The following GRM7 variants were observed in gnomAD, a reference collection of about 807,000 sequenced individuals.
GRM7 encodes metabotropic glutamate receptor 7.
A neutral mutation model predicts 84.5 loss-of-function variants in GRM7; 35 were observed. That is an observed-to-expected ratio of 0.41 (90% CI 0.32 to 0.55). The LOEUF (loss-of-function observed/expected upper bound fraction) is 0.55, where lower values mean the gene tolerates loss of function less well. GRM7 is among the 20% of genes least tolerant of loss of function. GRM7 has a pLI of 0.19. For missense variants in GRM7, 1,003 were observed against 1,194.6 expected (o/e 0.84, Z 2.36); for synonymous variants, 487 against 455.1 (o/e 1.07, Z -0.89).
Position 7,461,665 on chromosome 3 carries a change from C to T in GRM7, c.1458C>T (p.Asn486=). The T allele has an allele frequency of 6.2e-7, 1 of 1,613,844 alleles. No individual in the cohort carries two copies. Among genetic ancestry groups the T allele is most frequent in the South Asian group, 1.1e-5 (1 of 91,072 alleles). Reference sequence around the variant, plus strand: ...ACATCTTTCAGTACCAGACCACAAACACCAGCAACCCGGGTTACCGTCTGA... The same window carrying T: ...ACATCTTTCAGTACCAGACCACAAATACCAGCAACCCGGGTTACCGTCTGA... ...RYDIFQYQTT[N]TSNPGYRLIG... Residue 486 remains asparagine, a synonymous_variant, in exon 7 of 10, where the codon AAC becomes AAT. Coordinates refer to ENST00000357716, the MANE Select transcript of GRM7 (RefSeq NM_000844.4).
At chr3:7,359,648 C>T (rs766565127) in intron 4 of GRM7, among the ~76,000 whole-genome samples, 1 of 147,920 alleles carries the variant, frequency 6.8e-6, no homozygotes, top group Non-Finnish European at 1.5e-5. Flanking sequence ...CAATCCTATT[C>T]CCTTTAAATG....
At chr3:7,380,603 G>A (rs1006661713) in intron 4 of GRM7, among the ~76,000 whole-genome samples, 1 of 152,158 alleles carries the variant, frequency 6.6e-6, no homozygotes, top group South Asian at 2.1e-4. Context: ...TTGGCTATCA[G>A]AAACTGAAGC....
intron 1 of GRM7, among the ~76,000 whole-genome samples, chr3:7,053,984 T>G (rs1046285828): frequency 1.3e-5 from 2 of 151,152 alleles, no homozygotes; most frequent in Non-Finnish European, 3.0e-5. Flanking sequence ...GTATATGGGA[T>G]TTATTTAATT....
chr3:6,864,425 T>A (rs1236804561), intron 1 of GRM7, among the ~76,000 whole-genome samples: 2 of 152,140 alleles, frequency 1.3e-5, no homozygotes, highest in African/African-American at 4.8e-5. Flanking sequence ...AGGTTTCCAG[T>A]GTCTATAAGC....
chr3:7,581,781 A>C (rs1174415178), intron 8 of GRM7, among the ~76,000 whole-genome samples: 2 of 152,216 alleles, frequency 1.3e-5, no homozygotes, highest in Non-Finnish European at 2.9e-5. Context: ...ATTTATATTG[A>C]GTATGCTAGG....
chr3:7,292,322 C>A (rs1575127596), intron 2 of GRM7, among the ~76,000 whole-genome samples: 1 of 152,082 alleles, frequency 6.6e-6, no homozygotes, highest in South Asian at 2.1e-4. Context: ...GTTGTATGTA[C>A]CTTTATCTCC....
At chr3:7,049,065 TGAAAC>T (rs998187356) in intron 1 of GRM7, among the ~76,000 whole-genome samples, 7 of 152,024 alleles carry the variant, frequency 4.6e-5, no homozygotes, top group African/African-American at 1.7e-4. Flanking sequence ...ATTAAAATGT[TGAAAC>T]AAAACATCTC....
intron 4 of GRM7, among the ~76,000 whole-genome samples, chr3:7,380,955 G>T (rs965527000): frequency 5.9e-5 from 9 of 152,102 alleles, no homozygotes; most frequent in African/African-American, 1.9e-4. Context: ...ATAAAAGGAA[G>T]ACCGTGTGTT....
intron 1 of GRM7, among the ~76,000 whole-genome samples, chr3:6,906,500 T>A (rs1443756764): frequency 1.3e-5 from 2 of 152,206 alleles, no homozygotes; most frequent in Non-Finnish European, 2.9e-5. Flanking sequence ...TTTATTCTTA[T>A]TCAGTTTGAT....
intron 8 of GRM7, among the ~76,000 whole-genome samples, chr3:7,632,734 T>G (rs934963083): frequency 5.9e-5 from 9 of 152,214 alleles, no homozygotes; most frequent in African/African-American, 1.7e-4. Context: ...TTCTTACATG[T>G]AAATATCACA....
At chr3:7,301,410 CCTT>C (rs1699996107) in intron 3 of GRM7, among the ~76,000 whole-genome samples, 1 of 151,936 alleles carries the variant, frequency 6.6e-6, no homozygotes, top group Non-Finnish European at 1.5e-5. Flanking sequence ...CTGCTAATAC[CCTT>C]CTTATTCATC....
At chr3:7,066,547 C>G (rs1288991739) in intron 1 of GRM7, among the ~76,000 whole-genome samples, 1 of 151,668 alleles carries the variant, frequency 6.6e-6, no homozygotes, top group East Asian at 1.9e-4. Flanking sequence ...TTACCAACAA[C>G]AAAAAAAGTC....
intron 8 of GRM7, among the ~76,000 whole-genome samples, chr3:7,670,422 C>G (rs1460003017): frequency 6.6e-6 from 1 of 152,132 alleles, no homozygotes; most frequent in African/African-American, 2.4e-5. Context: ...AAGCCATTGT[C>G]GATGGCTTTG....
chr3:7,740,251 A>C, intron 9 of GRM7, 106 bp from the exon 10 acceptor site: 6 of 707,846 alleles, frequency 8.5e-6, no homozygotes, highest in East Asian at 5.8e-5. Flanking sequence ...TCAGAGCTGT[A>C]TCACCTCACT....
At chr3:7,247,029 G>A (rs1252933302) in intron 2 of GRM7, among the ~76,000 whole-genome samples, 1 of 152,036 alleles carries the variant, frequency 6.6e-6, no homozygotes, top group East Asian at 1.9e-4. Context: ...GATTTTCTAT[G>A]AAGGCACCAA....
chr3:7,368,821 C>G (rs893740180), intron 4 of GRM7, among the ~76,000 whole-genome samples: 2 of 152,202 alleles, frequency 1.3e-5, no homozygotes, highest in African/African-American at 4.8e-5. Flanking sequence ...TGATTCCCAT[C>G]GTATCTCTAA....
At position 7,612,448 on chromosome 3, in the gene GRM7, C is replaced by T. The variant is rs561027820; in HGVS notation, c.2451+33091C>T. 3.9e-5 allele frequency among the ~76,000 whole-genome samples: 6 copies of T among 152,208 alleles called. No homozygotes were observed. The South Asian group carries it at 1.2e-3, about 32-fold the overall frequency. On this transcript the variant is annotated intron_variant, in intron 8 of 9. Coordinates refer to ENST00000357716, the MANE Select transcript of GRM7 (RefSeq NM_000844.4). Reference sequence around the variant, plus strand: ...TTGAGGAGGAAACTCTGAGCTGAACCTCCTAGGAATGAGTGGAATCAGGGT... The same window carrying T: ...TTGAGGAGGAAACTCTGAGCTGAACTTCCTAGGAATGAGTGGAATCAGGGT...
rs1213480778 is a variant in GRM7 at position 6,861,396 on chromosome 3, A to G, written c.8A>G (p.Gln3Arg). 3 of 1,568,820 alleles carry G rather than the reference A, an allele frequency of 1.9e-6. No individual in the cohort carries two copies. The highest frequency in any genetic ancestry group is 1.9e-5 in the Admixed American group (1 of 54,010). MV[Q>R]LRKLLRVLTL... Reference sequence around the variant, plus strand: ...CGCAGCAGCCGGAGCAGCATGGTCCAGCTGAGGAAGCTGCTCCGCGTCCTG... The same window carrying G: ...CGCAGCAGCCGGAGCAGCATGGTCCGGCTGAGGAAGCTGCTCCGCGTCCTG... The change falls in exon 1 of 10, where the codon CAG becomes CGG. Residue 3 changes from glutamine to arginine, a missense_variant. Physicochemically the swap from Gln to Arg is conservative, Grantham distance 43. Around this residue, in one of 2 missense-constraint regions of GRM7, gnomAD observed 93 missense variants for 68.6 expected, o/e 1.36. Transcript: ENST00000357716. This position sits in a 1 kb window ranked among gnomAD's most constrained non-coding sequence, Gnocchi z 6.4.
At chr3:7,145,016 G>A (rs1694065929) in intron 1 of GRM7, among the ~76,000 whole-genome samples, 1 of 152,194 alleles carries the variant, frequency 6.6e-6, no homozygotes. Flanking sequence ...AATGTTGGTG[G>A]AGAAATGATT....
Sources: gnomAD v4.1 joint callset for allele counts (sites outside exome capture counted in the v4.1 genomes callset) on GRCh38, gnomAD v4.1.1 for gene constraint, gnomAD v4.1.1 regional missense constraint, Gnocchi (gnomAD v3.1) non-coding constraint, MANE v1.5 for transcripts, NCBI Gene and HGNC (gene_info 2026-07-23, HGNC 2026-07-21) for gene names.